MCCC2: variants seen among roughly 807,000 people sequenced by gnomAD.
The protein encoded by MCCC2 is methylcrotonoyl-CoA carboxylase beta chain, mitochondrial.
A neutral mutation model predicts 77.2 loss-of-function variants in MCCC2; 52 were observed. The ratio of observed to expected loss-of-function variants is 0.67; its 90% CI spans 0.54 to 0.85. MCCC2 has a LOEUF of 0.85. Among genes scored for constraint, MCCC2 ranks in the 40% least tolerant of loss-of-function variants. The probability of loss-of-function intolerance (pLI) is 0.00; values close to 1 mark genes in which losing one functional copy is unlikely to be tolerated. For synonymous variants in MCCC2, 253 were observed against 248.4 expected (o/e 1.02, Z -0.18); for missense variants, 682 against 703.2 (o/e 0.97, Z 0.34).
Position 71,641,052 on chromosome 5 carries a change from T to G in MCCC2, c.1049T>G (p.Phe350Cys). 1 of 1,614,036 alleles carries G rather than the reference T, an allele frequency of 6.2e-7. No individual in the cohort carries two copies. Among genetic ancestry groups the G allele is most frequent in the Non-Finnish European group, 8.5e-7 (1 of 1,179,924 alleles). ...DGSRFTEFKA[F>C]YGDTLVTGFA... ...AGCAGATTCACTGAGTTCAAAGCCT[T>G]TTATGGAGACACATTAGTTACAGGT... Residue 350 changes from phenylalanine (F) to cysteine (C), a missense_variant, in exon 11 of 17, where the codon TTT (phenylalanine) becomes TGT (cysteine). Coordinates refer to ENST00000340941, the MANE Select transcript of MCCC2 (RefSeq NM_022132.5).
chr5:71,609,117 C>T (rs1018530865), intron 6 of MCCC2, among the ~76,000 whole-genome samples: 13 of 152,220 alleles, frequency 8.5e-5, no homozygotes, highest in African/African-American at 2.9e-4. Context: ...GTTGGCCTGC[C>T]TTGCTAGATT....
Position 71,635,466 on chromosome 5 carries a change from G to A in MCCC2, c.999+220G>A, listed in dbSNP as rs1746884402. 3.0e-5 allele frequency: 18 copies of A among 608,266 alleles called. No homozygotes were observed. In the South Asian group the frequency reaches 3.0e-4, roughly 10 times the overall value. 37.7% of individuals were successfully genotyped at this position (608,266 alleles called of 1,614,324 possible). On this transcript the variant is annotated intron_variant, in intron 10 of 16. Transcript: ENST00000340941. ...AGGGGAGTGGGGGACCTCAATGATTGGAAAGTTTTCATTGCGCAAAAAGTG... is the reference window on the plus strand; with the variant it reads ...AGGGGAGTGGGGGACCTCAATGATTAGAAAGTTTTCATTGCGCAAAAAGTG...
chr5:71,649,982 C>T, intron 14 of MCCC2, 87 bp from the exon 15 acceptor site: 1 of 964,802 alleles, frequency 1.0e-6, no homozygotes, highest in Non-Finnish European at 1.7e-6. Context: ...GAATCAGGAA[C>T]CACTAATTTA....
chr5:71,602,846 G>A, intron 5 of MCCC2: 1 of 632,170 alleles, frequency 1.6e-6, no homozygotes, highest in South Asian at 2.2e-5. Context: ...CATACATTTT[G>A]ACGCATGCCA....
chr5:71,626,885 C>A, intron 7 of MCCC2, 132 bp downstream of exon 7: 1 of 856,068 alleles, frequency 1.2e-6, no homozygotes, highest in Non-Finnish European at 1.9e-6. Flanking sequence ...CTGTTGTAAC[C>A]GTTTTTCAGT....
intron 6 of MCCC2, among the ~76,000 whole-genome samples, chr5:71,625,952 T>A (rs1412413377): frequency 2.0e-5 from 3 of 152,206 alleles, no homozygotes; most frequent in Non-Finnish European, 4.4e-5. Flanking sequence ...TATCGTTCAA[T>A]CCTATTTAGG....
intron 10 of MCCC2, among the ~76,000 whole-genome samples, chr5:71,637,500 A>G (rs754695682): frequency 6.6e-6 from 1 of 152,224 alleles, no homozygotes; most frequent in Non-Finnish European, 1.5e-5. Context: ...AATGCTAACA[A>G]TCATCTGAAC....
intron 8 of MCCC2, among the ~76,000 whole-genome samples, chr5:71,634,149 T>C (rs1305072027): frequency 6.6e-6 from 1 of 152,194 alleles, no homozygotes; most frequent in Non-Finnish European, 1.5e-5. Flanking sequence ...CAGGTATGTA[T>C]TTTTGACTGA....
chr5:71,648,130 T>G (rs1347096987), intron 13 of MCCC2, among the ~76,000 whole-genome samples: 1 of 152,124 alleles, frequency 6.6e-6, no homozygotes, highest in Non-Finnish European at 1.5e-5. Flanking sequence ...ATTCCTGTGG[T>G]GACTGCAGAA....
intron 3 of MCCC2, among the ~76,000 whole-genome samples, chr5:71,597,110 AAAG>A (rs1269086765): frequency 1.3e-5 from 2 of 152,076 alleles, no homozygotes; most frequent in Admixed American, 1.3e-4. Flanking sequence ...GCAAAGATTT[AAAG>A]GAGGAGAGAG....
At chr5:71,606,854 C>T (rs1362441164) in intron 6 of MCCC2, among the ~76,000 whole-genome samples, 1 of 148,320 alleles carries the variant, frequency 6.7e-6, no homozygotes, top group African/African-American at 2.5e-5. Context: ...TTGTCTTTGG[C>T]TCTGTTTATA....
intron 2 of MCCC2, among the ~76,000 whole-genome samples, chr5:71,593,790 A>G (rs147982856): frequency 0.025 from 3,801 of 152,312 alleles, 72 homozygotes; most frequent in South Asian, 0.073. Context: ...ACTTTTATCA[A>G]CAAGTATATA....
intron 8 of MCCC2, among the ~76,000 whole-genome samples, chr5:71,634,668 C>G (rs980258960): frequency 6.6e-6 from 1 of 152,104 alleles, no homozygotes; most frequent in Non-Finnish European, 1.5e-5. Context: ...AAATAGAAGG[C>G]GGGGGTTCTT....
chr5:71,656,338 G>T (rs965711040), intron 16 of MCCC2, among the ~76,000 whole-genome samples: 27 of 152,142 alleles, frequency 1.8e-4, no homozygotes, highest in African/African-American at 6.5e-4. Context: ...AAAGTTTGAG[G>T]TTATTACCTG....
At chr5:71,602,405 TAC>T (rs1745473139) in intron 4 of MCCC2, 99 bp from the exon 5 acceptor site, 39 of 1,430,838 alleles carry the variant, frequency 2.7e-5, no homozygotes, top group Non-Finnish European at 3.6e-5. Flanking sequence ...TAGTGATACG[TAC>T]TAGAAGTTGA....
At chr5:71,632,870 C>T (rs1056495785) in intron 8 of MCCC2, among the ~76,000 whole-genome samples, 9 of 151,960 alleles carry the variant, frequency 5.9e-5, no homozygotes, top group Non-Finnish European at 1.3e-4. Context: ...GGTAAGAAGA[C>T]CCTCTACCTC....
intron 6 of MCCC2, among the ~76,000 whole-genome samples, chr5:71,619,078 T>G (rs1216892138): frequency 6.6e-6 from 1 of 152,174 alleles, no homozygotes; most frequent in East Asian, 1.9e-4. Flanking sequence ...CACTTCTTTT[T>G]GGAGACATAT....
chr5:71,605,983 T>C lies in MCCC2; in HGVS notation c.624+1515T>C, dbSNP rs1440457234. On this transcript the variant is annotated intron_variant, in intron 6 of 16. Transcript: ENST00000340941. ...TGCTGTTTTGGTTACTGTAGCCTTG[T>C]AGTACAGTTTGAAGTCAGGTAGTGT... is the stretch of plus-strand genomic sequence containing the variant. Among the ~76,000 whole-genome samples, 4 of 152,252 alleles carry C rather than the reference T, an allele frequency of 2.6e-5. No homozygotes were observed. The East Asian group carries it at 5.8e-4, about 22-fold the overall frequency.
chr5:71,646,153 CATG>C, intron 12 of MCCC2, 55 bp from the exon 13 acceptor site: 1 of 1,410,070 alleles, frequency 7.1e-7, no homozygotes, highest in Non-Finnish European at 1.0e-6. Flanking sequence ...TTGTAGAATG[CATG>C]ATGATAATAG....
Sources: gnomAD v4.1 joint callset for allele counts (sites outside exome capture counted in the v4.1 genomes callset) on GRCh38, gnomAD v4.1.1 for gene constraint, MANE v1.5 for transcripts, NCBI Gene and HGNC (gene_info 2026-07-23, HGNC 2026-07-21) for gene names.